Variants in TENM2 observed in about 807,000 individuals in gnomAD.
TENM2 encodes teneurin-2.
A neutral mutation model predicts 245.2 loss-of-function variants in TENM2; 52 were observed. The observed-to-expected ratio is 0.21, with a 90% CI of 0.17 to 0.27. The LOEUF is 0.27. TENM2 is among the 10% of genes least tolerant of loss of function. The pLI, the probability that TENM2 is intolerant of heterozygous loss-of-function variation, is 1.00. For synonymous variants in TENM2, 1,363 were observed against 1,438.9 expected, an observed-to-expected ratio of 0.95 and a Z score of 1.19; for missense variants, 3,046 against 3,666.8, an observed-to-expected ratio of 0.83 and a Z score of 4.37.
chr5:167,906,601 A>G, intron 3 of TENM2, among the ~76,000 whole-genome samples: 1 of 152,194 alleles, frequency 6.6e-6, no homozygotes. Flanking sequence ...ATGAGGCTTA[A>G]GAGTCAGGAT....
the TENM2 span, among the ~76,000 whole-genome samples, chr5:167,247,251 C>T: frequency 6.6e-6 from 1 of 152,088 alleles, no homozygotes; most frequent in Non-Finnish European, 1.5e-5. Flanking sequence ...AAGTAAGTGA[C>T]AGGGCTGAAT....
intron 3 of TENM2, among the ~76,000 whole-genome samples, chr5:167,896,164 G>T (rs1161406204): frequency 1.3e-5 from 2 of 152,256 alleles, no homozygotes; most frequent in African/African-American, 4.8e-5. Context: ...ACTGGGGAAA[G>T]CCTTCCCACA....
At chr5:167,912,144 A>G (rs1490775843) in intron 3 of TENM2, among the ~76,000 whole-genome samples, 1 of 152,148 alleles carries the variant, frequency 6.6e-6, no homozygotes, top group African/African-American at 2.4e-5. Flanking sequence ...TTTGACCAAC[A>G]TCTACCCAAT....
chr5:167,036,542 G>A, the TENM2 span, among the ~76,000 whole-genome samples: 1 of 151,846 alleles, frequency 6.6e-6, no homozygotes, highest in Non-Finnish European at 1.5e-5. Flanking sequence ...AAGTTATATC[G>A]TGGATTCTTA....
In TENM2 at chr5:167,518,553, T is replaced by C. The variant is rs188731582; in HGVS notation, c.502+143080T>C. Among the ~76,000 whole-genome samples, 3 of 152,330 alleles carry C rather than the reference T, an allele frequency of 2.0e-5. No individual in the cohort carries two copies. The East Asian group carries it at 5.8e-4, about 29-fold the overall frequency. On this transcript the variant is annotated intron_variant, in intron 2 of 28. Coordinates refer to ENST00000518659, the Ensembl canonical transcript of TENM2. ...CAGATAATGTGCACAGGTTAACCGA[T>C]GTTTTAACGACAGTGACTGGAGTAG...
At chr5:167,039,717 C>T in the TENM2 span, among the ~76,000 whole-genome samples, 1 of 128,570 alleles carries the variant, frequency 7.8e-6, no homozygotes, top group Non-Finnish European at 1.6e-5. Flanking sequence ...GCATTGGTTT[C>T]ACTTTAAAGA....
At chr5:167,712,275 T>C (rs1245271478) in intron 2 of TENM2, among the ~76,000 whole-genome samples, 1 of 152,198 alleles carries the variant, frequency 6.6e-6, no homozygotes, top group Non-Finnish European at 1.5e-5. Context: ...GTATATTCCA[T>C]TAACAAGTTT....
the TENM2 span, among the ~76,000 whole-genome samples, chr5:167,171,752 T>G: frequency 0.017 from 2,552 of 152,164 alleles, 59 homozygotes; most frequent in African/African-American, 0.057. Context: ...TGAGAAGAAA[T>G]ACCCTGGACT....
chr5:167,783,168 A>C (rs1306295963), intron 2 of TENM2, among the ~76,000 whole-genome samples: 1 of 72,620 alleles, frequency 1.4e-5, no homozygotes, highest in Non-Finnish European at 3.0e-5. Flanking sequence ...TTCAACTAGA[A>C]ACAGGTTTTT....
At chr5:167,058,936 A>G in the TENM2 span, among the ~76,000 whole-genome samples, 6 of 152,334 alleles carry the variant, frequency 3.9e-5, no homozygotes, top group Admixed American at 6.5e-5. Flanking sequence ...TTTCAAATAT[A>G]CAAGAAAAGA....
rs140239275 is a variant in TENM2, at chr5:167,611,128, C to A, written c.502+235655C>A. On this transcript the variant is annotated intron_variant, in intron 2 of 28. Coordinates refer to ENST00000518659, the Ensembl canonical transcript of TENM2. Reference sequence around the variant, plus strand: ...TCATAATAACCTTCTGACTATTCCCCAGGGGTTCACTTTTCGGATTCTACT... The same window carrying A: ...TCATAATAACCTTCTGACTATTCCCAAGGGGTTCACTTTTCGGATTCTACT... Among the ~76,000 whole-genome samples, 73 of 152,300 alleles carry A rather than the reference C, an allele frequency of 4.8e-4. 1 individual carries two copies. The highest frequency in any genetic ancestry group is 1.7e-3 in the African/African-American group (70 of 41,574).
At chr5:168,105,113 C>A (rs1392645433) in intron 9 of TENM2, among the ~76,000 whole-genome samples, 1 of 152,064 alleles carries the variant, frequency 6.6e-6, no homozygotes, top group Non-Finnish European at 1.5e-5. Flanking sequence ...ATAAAATGTG[C>A]GTGTTATAAA....
At position 167,932,012 on chromosome 5, in the gene TENM2, A is replaced by G. The variant is rs571142476; in HGVS notation, c.713-20576A>G. Among the ~76,000 whole-genome samples, 17 of 152,338 alleles carry G rather than the reference A, an allele frequency of 1.1e-4. No homozygotes were observed. The South Asian group carries it at 3.3e-3, about 30-fold the overall frequency. Reference sequence around the variant, plus strand: ...CCAAATAGTAGGCGAGATATAAAACACCAGAGAAGAAAAAAGATATGTTTG... The same window carrying G: ...CCAAATAGTAGGCGAGATATAAAACGCCAGAGAAGAAAAAAGATATGTTTG... On this transcript the variant is annotated intron_variant, in intron 3 of 28. Coordinates refer to ENST00000518659, the Ensembl canonical transcript of TENM2.
intron 5 of TENM2, among the ~76,000 whole-genome samples, chr5:168,028,181 G>T (rs762996917): frequency 6.6e-6 from 1 of 152,142 alleles, no homozygotes; most frequent in East Asian, 1.9e-4. Flanking sequence ...GCCTTCTGCC[G>T]CCTCTCTCAA....
At chr5:167,722,850 A>AT (rs1759729347) in intron 2 of TENM2, among the ~76,000 whole-genome samples, 1 of 152,158 alleles carries the variant, frequency 6.6e-6, no homozygotes, top group African/African-American at 2.4e-5. Flanking sequence ...TTCTACTTCA[A>AT]TTTTAGGTCT....
intron 2 of TENM2, among the ~76,000 whole-genome samples, chr5:167,588,185 C>T (rs545665346): frequency 6.6e-6 from 1 of 152,324 alleles, no homozygotes; most frequent in African/African-American, 2.4e-5. Context: ...ATGCAAATGT[C>T]CACTGGATAA....
At chr5:168,248,203 C>T in exon 27 of TENM2, 1 of 1,614,040 alleles carries the variant, frequency 6.2e-7, no homozygotes, top group Non-Finnish European at 8.5e-7. Context: ...CCTGACCAAG[C>T]TGGTCCACTT....
chr5:168,246,648 T>C, intron 26 of TENM2, 109 bp from the exon 29 acceptor site: 1 of 1,104,102 alleles, frequency 9.1e-7, no homozygotes, highest in Non-Finnish European at 1.3e-6. Context: ...CTTCCCATCT[T>C]TCATGACTTT....
At chr5:167,623,144 T>C (rs534087580) in intron 2 of TENM2, among the ~76,000 whole-genome samples, 1 of 152,268 alleles carries the variant, frequency 6.6e-6, no homozygotes, top group African/African-American at 2.4e-5. Context: ...GAAATAGGGC[T>C]GCTATTTTTT....
Sources: allele counts gnomAD v4.1 joint callset (sites outside exome capture counted in the v4.1 genomes callset), GRCh38; gene constraint gnomAD v4.1.1; transcripts MANE v1.5; gene names NCBI Gene and HGNC (gene_info 2026-07-23, HGNC 2026-07-21).